The following CALN1 variants were observed in gnomAD, a reference collection of about 807,000 sequenced individuals.
CALN1 encodes the protein calneuron 1, also known as calcium-binding protein 8.
In CALN1, 17 loss-of-function variants were observed where a neutral mutation model predicts 30.6. The observed-to-expected ratio is 0.56, with a 90% confidence interval of 0.38 to 0.83. The LOEUF (loss-of-function observed/expected upper bound fraction) is 0.83. CALN1 is among the 40% of genes least tolerant of loss of function. The probability of loss-of-function intolerance (pLI) is 0.00; values close to 1 mark genes in which losing one functional copy is unlikely to be tolerated. For synonymous variants in CALN1, 156 were observed against 131.4 expected, an observed-to-expected ratio of 1.19 and a Z score of -1.28; for missense variants, 291 against 354.9, an observed-to-expected ratio of 0.82 and a Z score of 1.45.
chr7:72,185,389 C>A lies in CALN1; in HGVS notation c.245-79095G>T, dbSNP rs1790113911. ...AGGTGGAGAAAAACCAGAGATAGAC[C>A]TGAAAACACAGATTGCGCAGGAAGC... is the stretch of plus-strand genomic sequence containing the variant. On this transcript the variant is annotated intron_variant, in intron 3 of 6. Transcript: ENST00000395275. 3.3e-5 allele frequency among the ~76,000 whole-genome samples: 5 copies of A among 152,124 alleles called. No homozygotes were observed. The South Asian group carries it at 1.0e-3, about 32-fold the overall frequency.
At chr7:71,918,512 G>A (rs1013998995) in intron 5 of CALN1, among the ~76,000 whole-genome samples, 2 of 152,144 alleles carry the variant, frequency 1.3e-5, no homozygotes, top group South Asian at 2.1e-4. Context: ...TTTCCTACTG[G>A]GAGAACTGAG....
chr7:71,931,863 T>TA (rs1554386330), intron 5 of CALN1, among the ~76,000 whole-genome samples: 2 of 152,146 alleles, frequency 1.3e-5, no homozygotes. Flanking sequence ...ACTCATTTCT[T>TA]AGACTTCTTT....
chr7:72,336,215 G>A (rs894563203), intron 2 of CALN1, among the ~76,000 whole-genome samples: 2 of 152,128 alleles, frequency 1.3e-5, no homozygotes, highest in African/African-American at 4.8e-5. Context: ...CGCCTCCCCC[G>A]ATCGCCATGA....
intron 5 of CALN1, among the ~76,000 whole-genome samples, chr7:71,847,809 AG>A (rs1790393190): frequency 5.3e-5 from 3 of 57,076 alleles, no homozygotes; most frequent in Non-Finnish European, 1.1e-4. Flanking sequence ...GAAGAAAAGA[AG>A]GAGAAGGAGA....
chr7:72,183,132 C>T (rs1374042938), intron 3 of CALN1, among the ~76,000 whole-genome samples: 1 of 151,324 alleles, frequency 6.6e-6, no homozygotes, highest in Non-Finnish European at 1.5e-5. Flanking sequence ...GGTGTGATCT[C>T]GGCTCACTGC....
At chr7:72,134,969 A>T (rs1219390154) in intron 3 of CALN1, among the ~76,000 whole-genome samples, 1 of 152,200 alleles carries the variant, frequency 6.6e-6, no homozygotes, top group East Asian at 1.9e-4. Context: ...TTTACAAAGC[A>T]TCTTTACCAG....
intron 5 of CALN1, among the ~76,000 whole-genome samples, chr7:71,812,832 C>T (rs1788034607): frequency 6.6e-6 from 1 of 151,964 alleles, no homozygotes; most frequent in African/African-American, 2.4e-5. Flanking sequence ...CAACTTCAAA[C>T]ATCTGGGCTC....
intron 1 of CALN1, among the ~76,000 whole-genome samples, chr7:72,434,046 T>C (rs527780291): frequency 2.7e-5 from 4 of 150,720 alleles, no homozygotes; most frequent in Non-Finnish European, 4.4e-5. Context: ...GGTGAAAAAG[T>C]GAGACCCTGT....
At chr7:72,369,288 AATAT>A (rs954225202) in intron 2 of CALN1, among the ~76,000 whole-genome samples, 2 of 147,962 alleles carry the variant, frequency 1.4e-5, no homozygotes, top group South Asian at 2.1e-4. Flanking sequence ...ATACATATAA[AATAT>A]ATATATTTAT....
intron 3 of CALN1, among the ~76,000 whole-genome samples, chr7:72,188,719 AATC>A (rs1790388254): frequency 6.6e-6 from 1 of 152,224 alleles, no homozygotes; most frequent in Non-Finnish European, 1.5e-5. Flanking sequence ...ATTTAAAAAT[AATC>A]ATCATATAAA....
Position 72,403,418 on chromosome 7 carries a change from G to T in CALN1, c.-49C>A. On this transcript the variant is annotated 5_prime_UTR_variant, in exon 2 of 7. Coordinates refer to ENST00000395275, the MANE Select transcript of CALN1 (RefSeq NM_031468.4). Reference sequence around the variant, plus strand: ...AGAGAGAGTTAGAAGCTCATCAAAGGAACGTCAGCGAAGGCACTGAGACTC... The same window carrying T: ...AGAGAGAGTTAGAAGCTCATCAAAGTAACGTCAGCGAAGGCACTGAGACTC... 1 of 1,436,780 alleles carries T rather than the reference G, an allele frequency of 7.0e-7. No homozygotes were observed. Among genetic ancestry groups the T allele is most frequent in the Non-Finnish European group, 9.4e-7 (1 of 1,061,138 alleles). The allele number at this position is 1,436,780 out of a possible 1,614,324, so 89.0% of individuals were successfully genotyped here.
At chr7:71,907,423 G>A (rs1398023042) in intron 5 of CALN1, among the ~76,000 whole-genome samples, 1 of 152,108 alleles carries the variant, frequency 6.6e-6, no homozygotes, top group Admixed American at 6.6e-5. Context: ...GTTTGCAAAG[G>A]TCAGTGATTC....
intron 2 of CALN1, among the ~76,000 whole-genome samples, chr7:72,361,910 A>G (rs1330401322): frequency 1.3e-5 from 2 of 150,868 alleles, no homozygotes; most frequent in East Asian, 3.9e-4. Context: ...ACAAATCACC[A>G]AAGAGAAAAA....
the CALN1 span, among the ~76,000 whole-genome samples, chr7:72,461,625 G>A: frequency 6.6e-6 from 1 of 152,164 alleles, no homozygotes; most frequent in African/African-American, 2.4e-5. Flanking sequence ...TGGACACAAA[G>A]ATGTGAATAA....
the CALN1 span, among the ~76,000 whole-genome samples, chr7:72,490,570 C>T: frequency 6.6e-6 from 1 of 152,142 alleles, no homozygotes; most frequent in Non-Finnish European, 1.5e-5. Context: ...GAATTGTGGT[C>T]TTCAGCGTTG....
At chr7:71,833,391 C>A (rs768368750) in intron 5 of CALN1, among the ~76,000 whole-genome samples, 8 of 151,916 alleles carry the variant, frequency 5.3e-5, no homozygotes, top group Non-Finnish European at 1.0e-4. Context: ...TCCTAAGAAA[C>A]GGGTAAAACA....
intron 5 of CALN1, among the ~76,000 whole-genome samples, chr7:71,927,973 A>G (rs1046328302): frequency 6.6e-6 from 1 of 152,054 alleles, no homozygotes; most frequent in African/African-American, 2.4e-5. Context: ...CCTTGCTGCA[A>G]TGGTCTTTAC....
At chr7:72,065,986 C>G (rs906580258) in intron 4 of CALN1, among the ~76,000 whole-genome samples, 1 of 152,174 alleles carries the variant, frequency 6.6e-6, no homozygotes, top group Non-Finnish European at 1.5e-5. Context: ...AGTGCAGCCT[C>G]CAAGTAAAAT....
At position 72,412,321 on chromosome 7, in the gene CALN1, A is replaced by C. The variant is rs1000783106; in HGVS notation, c.-337T>G. 6.6e-6 allele frequency: 1 copy of C among 152,140 alleles called. No homozygotes were observed. Among genetic ancestry groups the C allele is most frequent in the African/African-American group, 2.4e-5 (1 of 41,418 alleles). 9.4% of individuals were successfully genotyped at this position (152,140 alleles called of 1,614,324 possible). A position where few individuals can be genotyped will look rare whatever the true frequency, so the allele number is the denominator to read the frequency against. On this transcript the variant is annotated 5_prime_UTR_variant, in exon 1 of 7. Transcript: ENST00000395275. ...GAAAAAAACACAAACTCAAGCGGAT[A>C]GCACCCCAGCGAGCTTCCCCAGCGG...
Sources: allele counts gnomAD v4.1 joint callset (sites outside exome capture counted in the v4.1 genomes callset), GRCh38; gene constraint gnomAD v4.1.1; transcripts MANE v1.5; gene names NCBI Gene and HGNC (gene_info 2026-07-23, HGNC 2026-07-21).